The following CALCOCO1 variants were observed in gnomAD, a reference collection of about 807,000 sequenced individuals.
CALCOCO1 encodes the protein calcium-binding and coiled-coil domain-containing protein 1.
Under a neutral mutation model 86.3 loss-of-function variants are expected in CALCOCO1, and 44 were observed. The observed-to-expected ratio is 0.51, with a 90% CI of 0.40 to 0.66. The LOEUF (loss-of-function observed/expected upper bound fraction) is 0.66, where lower values mean the gene tolerates loss of function less well. Ranked by LOEUF, CALCOCO1 falls within the 30% of genes least tolerant of loss-of-function variation. The pLI, the probability that CALCOCO1 is intolerant of heterozygous loss-of-function variation, is 0.00. For synonymous variants in CALCOCO1, 297 were observed against 327.6 expected, an observed-to-expected ratio of 0.91 and a Z score of 1.01; for missense variants, 708 against 851.1, an observed-to-expected ratio of 0.83 and a Z score of 2.09.
chr12:53,713,029 A>C, intron 14 of CALCOCO1, 71 bp downstream of exon 14: 1 of 1,412,924 alleles, frequency 7.1e-7, no homozygotes, highest in Admixed American at 1.7e-5. Context: ...GGGCCTGGTG[A>C]CTGTCCACAC....
rs889142006 is a variant in CALCOCO1 at position 53,709,309 on chromosome 12, C to G, written c.*2635G>C. ...CTGGCTGCCCCTGGGTTTCCCCCAGCCCATGCCGTCAATTACCCTTCCTTG... is the reference window on the plus strand; with the variant it reads ...CTGGCTGCCCCTGGGTTTCCCCCAGGCCATGCCGTCAATTACCCTTCCTTG... On this transcript the variant is annotated 3_prime_UTR_variant, in exon 15 of 15. Coordinates refer to ENST00000550804, the MANE Select transcript of CALCOCO1 (RefSeq NM_020898.3). 3.9e-5 allele frequency: 6 copies of G among 152,248 alleles called. No homozygotes were observed. The highest frequency in any genetic ancestry group is 7.3e-5 in the Non-Finnish European group (5 of 68,068). 9.4% of individuals were successfully genotyped at this position (152,248 alleles called of 1,614,324 possible). A position where few individuals can be genotyped will look rare whatever the true frequency, so the allele number is the denominator to read the frequency against.
At position 53,723,704 on chromosome 12, in the gene CALCOCO1, G is replaced by A. The variant is rs1336173687; in HGVS notation, c.339C>T (p.Ser113=). 2.5e-6 allele frequency: 4 copies of A among 1,614,200 alleles called. No homozygotes were observed. The highest frequency in any genetic ancestry group is 2.2e-5 in the South Asian group (2 of 91,080). The change falls in exon 4 of 15, where the codon AGC becomes AGT. Residue 113 remains serine, a synonymous_variant. Transcript: ENST00000550804. ...TTGGCTCTCGGAACTGGAAAGGGGGGCTCTGCCCACACACCTGGCCCTGGC... is the reference window on the plus strand; with the variant it reads ...TTGGCTCTCGGAACTGGAAAGGGGGACTCTGCCCACACACCTGGCCCTGGC... ...VNRQGQVCGQ[S]PPFQFREPRP...
Position 53,722,111 on chromosome 12 carries a change from T to C in CALCOCO1, c.523A>G (p.Thr175Ala). ...TCCTGCACTCGGCTCCTCAGCTCTG[T>C]CACCTGTCCCTCCAGCTGTAGCTTC... The part of the protein sequence containing the change: ...QLKLQLEGQV[T>A]ELRSRVQELE... The change falls in exon 5 of 15, where the codon ACA (threonine) becomes GCA (alanine). Residue 175 changes from threonine to alanine, a missense_variant. Transcript: ENST00000550804. 6.2e-7 allele frequency: 1 copy of C among 1,613,964 alleles called. No homozygotes were observed. The highest frequency in any genetic ancestry group is 1.3e-5 in the African/African-American group (1 of 75,072).
chr12:53,722,345 C>T (rs1294953039), intron 4 of CALCOCO1, among the ~76,000 whole-genome samples, 162 bp from the exon 5 acceptor site: 2 of 152,152 alleles, frequency 1.3e-5, no homozygotes, highest in Non-Finnish European at 1.5e-5. Flanking sequence ...GAATCCCGTC[C>T]ACCACCCAGT....
chr12:53,719,628 G>A, intron 7 of CALCOCO1, 111 bp downstream of exon 7: 1 of 733,942 alleles, frequency 1.4e-6, no homozygotes, highest in Non-Finnish European at 2.4e-6. Flanking sequence ...CCCTAGTAGA[G>A]TGCACACAAT....
intron 2 of CALCOCO1, 153 bp from the exon 3 acceptor site, chr12:53,724,900 A>G: frequency 1.2e-6 from 1 of 828,988 alleles, no homozygotes; most frequent in Admixed American, 2.8e-5. Flanking sequence ...CTAATGTGTC[A>G]GTAAAGAACA....
At position 53,711,772 on chromosome 12, in the gene CALCOCO1, G is replaced by A. The variant is rs1003993526; in HGVS notation, c.*172C>T. ...TGGGACAAAAGAGCCAGGTAGGAGA[G>A]GATGAAGTGAGAAATCTTGGGATGA... On this transcript the variant is annotated 3_prime_UTR_variant, in exon 15 of 15. Transcript: ENST00000550804. The A allele has an allele frequency of 4.9e-5, 27 of 556,620 alleles. No homozygotes were observed. The Admixed American group carries it at 9.8e-4, about 20-fold the overall frequency. 34.5% of individuals were successfully genotyped at this position (556,620 alleles called of 1,614,324 possible).
Position 53,711,154 on chromosome 12 carries a change from G to A in CALCOCO1, c.*790C>T, listed in dbSNP as rs758357637. On this transcript the variant is annotated 3_prime_UTR_variant, in exon 15 of 15. Transcript: ENST00000550804. Reference sequence around the variant, plus strand: ...TAAATATATTTGTTCAAACTACAAAGGGATGGATATCAGGGGGAAGCTTTT... The same window carrying A: ...TAAATATATTTGTTCAAACTACAAAAGGATGGATATCAGGGGGAAGCTTTT... 8.3e-5 allele frequency: 33 copies of A among 398,708 alleles called. No homozygotes were observed. In the Middle Eastern group the frequency reaches 2.5e-3, roughly 30 times the overall value. 24.7% of individuals were successfully genotyped at this position (398,708 alleles called of 1,614,324 possible).
At chr12:53,714,388 C>A in intron 11 of CALCOCO1, 147 bp from the exon 12 acceptor site, 1 of 674,438 alleles carries the variant, frequency 1.5e-6, no homozygotes, top group Non-Finnish European at 2.6e-6. Context: ...GGCAGACACT[C>A]CCCCCAGCAC....
rs200679307 is a variant in CALCOCO1, at chr12:53,715,782, C to T, written c.1260+11G>A. 1.3e-5 allele frequency: 21 copies of T among 1,606,360 alleles called. No individual in the cohort carries two copies. Among genetic ancestry groups the T allele is most frequent in the Middle Eastern group, 1.6e-4 (1 of 6,074 alleles). On this transcript the variant is annotated intron_variant, in intron 9 of 14. Transcript: ENST00000550804. ...GGCCATCAGATTGCCAGGTACCCCCCATCCCTCTACCTCCACACTCTGCAG... is the reference window on the plus strand; with the variant it reads ...GGCCATCAGATTGCCAGGTACCCCCTATCCCTCTACCTCCACACTCTGCAG...
rs1204367770 is a variant in CALCOCO1 at position 53,710,771 on chromosome 12, T to C, written c.*1173A>G. On this transcript the variant is annotated 3_prime_UTR_variant, in exon 15 of 15. Coordinates refer to ENST00000550804, the MANE Select transcript of CALCOCO1 (RefSeq NM_020898.3). ...TGTCCTTTGGCATAAGGTACAGTGA[T>C]GGCTGCTATGAAGGGTGAAGTTCTC... The C allele has an allele frequency of 6.5e-6, 1 of 153,952 alleles. No individual in the cohort carries two copies. Among genetic ancestry groups the C allele is most frequent in the Admixed American group, 6.5e-5 (1 of 15,336 alleles). 9.5% of individuals were successfully genotyped at this position (153,952 alleles called of 1,614,324 possible).
Position 53,713,729 on chromosome 12 carries a change from C to CT in CALCOCO1, c.1762_1763insA (p.Gly588GlufsTer4). On this transcript the variant is annotated frameshift_variant, in exon 13 of 15. Transcript: ENST00000550804. LOFTEE classifies it high-confidence loss of function. ...GTCAGAGCTACTGTCCTCAGCTGGC[C>CT]CAGAGAGGTGAGGAGAAATGGGAGC... 1 of 1,594,232 alleles carries CT rather than the reference C, an allele frequency of 6.3e-7. No individual in the cohort carries two copies. Among genetic ancestry groups the CT allele is most frequent in the Non-Finnish European group, 8.5e-7 (1 of 1,170,640 alleles).
chr12:53,712,051 G>C lies in CALCOCO1; in HGVS notation c.1969C>G (p.Pro657Ala). The C allele has an allele frequency of 6.2e-7, 1 of 1,612,814 alleles. No homozygotes were observed. ...GCAGGAAAGCGCTCCTTACAGATAGGACACTCCTTCCATGTGGGGGTGGCA... is the reference window on the plus strand; with the variant it reads ...GCAGGAAAGCGCTCCTTACAGATAGCACACTCCTTCCATGTGGGGGTGGCA... ...GPATPTWKEC[P>A]ICKERFPAES... Residue 657 changes from proline to alanine, a missense_variant, in exon 15 of 15, where the codon CCT becomes GCT. Coordinates refer to ENST00000550804, the MANE Select transcript of CALCOCO1 (RefSeq NM_020898.3).
chr12:53,719,668 G>T, intron 7 of CALCOCO1, 71 bp downstream of exon 7: 1 of 1,036,836 alleles, frequency 9.6e-7, no homozygotes, highest in Non-Finnish European at 1.5e-6. Context: ...TCCCTTTGGT[G>T]TCTGGCTCTC....
intron 6 of CALCOCO1, 86 bp downstream of exon 6, chr12:53,721,381 G>T: frequency 1.6e-6 from 2 of 1,215,384 alleles, no homozygotes; most frequent in South Asian, 1.6e-5. Context: ...GAGGCAGACA[G>T]CAGGTCTGCT....
At chr12:53,721,670 G>T (rs1684264964) in intron 5 of CALCOCO1, 55 bp from the exon 6 acceptor site, 4 of 1,606,190 alleles carry the variant, frequency 2.5e-6, no homozygotes, top group African/African-American at 1.3e-5. Flanking sequence ...TCTCTCAAGT[G>T]GTGGAACAAA....
chr12:53,722,262 G>A, intron 4 of CALCOCO1, 79 bp from the exon 5 acceptor site: 2 of 1,551,516 alleles, frequency 1.3e-6, no homozygotes, highest in Admixed American at 1.7e-5. Context: ...CTCTCCAGGT[G>A]CATTTTGGGT....
intron 2 of CALCOCO1, 79 bp downstream of exon 2, chr12:53,725,008 A>G (rs1173927265): frequency 2.1e-6 from 3 of 1,434,596 alleles, no homozygotes; most frequent in Admixed American, 2.3e-5. Flanking sequence ...GAGGTTGAGA[A>G]TCCAAGAGCC....
Position 53,711,235 on chromosome 12 carries a change from G to T in CALCOCO1, c.*709C>A. 2.5e-6 allele frequency: 1 copy of T among 398,934 alleles called. No individual in the cohort carries two copies. Among genetic ancestry groups the T allele is most frequent in the Non-Finnish European group, 4.4e-6 (1 of 226,052 alleles). The allele number at this position is 398,934 out of a possible 1,614,324, so 24.7% of individuals were successfully genotyped here. ...GGGCCTTGGAAATGGGGATACCTGG[G>T]ACCACTTGTTCCCCCCATTCCTCAC... On this transcript the variant is annotated 3_prime_UTR_variant, in exon 15 of 15. Transcript: ENST00000550804.
Sources: gnomAD v4.1 joint callset for allele counts (sites outside exome capture counted in the v4.1 genomes callset) on GRCh38, gnomAD v4.1.1 for gene constraint, MANE v1.5 for transcripts, NCBI Gene and HGNC (gene_info 2026-07-23, HGNC 2026-07-21) for gene names.